Variants in REEP5 observed in about 807,000 individuals in gnomAD.
REEP5 encodes receptor accessory protein 5, also known as receptor expression-enhancing protein 5.
REEP5 carries 24 observed loss-of-function variants against 22.4 expected under a neutral mutation model. The observed-to-expected ratio is 1.07, with a 90% CI of 0.78 to 1.51. The LOEUF (loss-of-function observed/expected upper bound fraction) is 1.51, where lower values mean the gene tolerates loss of function less well. Among genes scored for constraint, REEP5 ranks in the 40% most tolerant of loss-of-function variants. REEP5 has a pLI of 0.00. For missense variants in REEP5, 252 were observed against 233.0 expected, an observed-to-expected ratio of 1.08 and a Z score of -0.53; for synonymous variants, 103 against 88.6, an observed-to-expected ratio of 1.16 and a Z score of -0.92.
intron 2 of REEP5, among the ~76,000 whole-genome samples, chr5:112,904,849 A>G (rs961101046): frequency 6.6e-6 from 1 of 152,178 alleles, no homozygotes; most frequent in Admixed American, 6.5e-5. Flanking sequence ...TTTTTAATTC[A>G]TATCTACAAT....
At chr5:112,892,625 A>G in intron 3 of REEP5, 2 of 1,614,158 alleles carry the variant, frequency 1.2e-6, no homozygotes, top group South Asian at 2.2e-5. Flanking sequence ...CCAAGAGGAA[A>G]ACACTGCAAC....
At chr5:112,896,731 G>C (rs1384729868) in intron 3 of REEP5, 1 of 151,748 alleles carries the variant, frequency 6.6e-6, no homozygotes, top group Non-Finnish European at 1.5e-5. Flanking sequence ...GTCAGGAGTT[G>C]AGACCAGCCT....
chr5:112,881,351 G>A (rs577579647), intron 4 of REEP5, among the ~76,000 whole-genome samples: 41 of 152,160 alleles, frequency 2.7e-4, no homozygotes, highest in African/African-American at 8.7e-4. Flanking sequence ...CCCATGGTCA[G>A]GCAACCTCAC....
chr5:112,902,812 T>C (rs986718409), intron 2 of REEP5, among the ~76,000 whole-genome samples: 4 of 152,176 alleles, frequency 2.6e-5, no homozygotes, highest in Admixed American at 6.5e-5. Context: ...AATATACCAC[T>C]AGTGACTGGG....
intron 2 of REEP5, among the ~76,000 whole-genome samples, chr5:112,920,160 A>C (rs558334803): frequency 1.8e-3 from 268 of 152,342 alleles, no homozygotes; most frequent in African/African-American, 6.2e-3. Context: ...ACACAGTAAC[A>C]ACTACTAGGT....
At chr5:112,922,031 C>T in intron 1 of REEP5, 42 bp downstream of exon 1, 1 of 1,562,028 alleles carries the variant, frequency 6.4e-7, no homozygotes, top group Non-Finnish European at 8.7e-7. Context: ...GCAGCGGCGG[C>T]TCCCGTGGCC....
At chr5:112,893,934 AC>A (rs1441984206) in intron 3 of REEP5, 3 of 151,464 alleles carry the variant, frequency 2.0e-5, no homozygotes, top group Non-Finnish European at 4.4e-5. Flanking sequence ...GAGGTTCAGA[AC>A]CTTGGTTTTT....
chr5:112,902,661 G>A, intron 2 of REEP5, 143 bp from the exon 3 acceptor site: 1 of 656,388 alleles, frequency 1.5e-6, no homozygotes, highest in Non-Finnish European at 2.4e-6. Flanking sequence ...CAAGAGTACA[G>A]CTTAAAGACT....
chr5:112,902,632 G>T, intron 2 of REEP5, 114 bp from the exon 3 acceptor site: 1 of 910,010 alleles, frequency 1.1e-6, no homozygotes. Context: ...GGCACATGTA[G>T]GCACTGTGTC....
chr5:112,921,538 G>A, intron 1 of REEP5: 1 of 511,374 alleles, frequency 2.0e-6, no homozygotes. Flanking sequence ...GACGGTCCCA[G>A]GCACCCGCTT....
At chr5:112,919,522 C>T (rs153559) in intron 2 of REEP5, among the ~76,000 whole-genome samples, 68,714 of 151,832 alleles carry the variant, frequency 0.45, 16,019 homozygotes, top group African/African-American at 0.51. Context: ...ACTGAGATTA[C>T]GACACTGCAC....
chr5:112,884,490 G>C (rs1768171008), intron 4 of REEP5, among the ~76,000 whole-genome samples: 1 of 150,762 alleles, frequency 6.6e-6, no homozygotes, highest in African/African-American at 2.5e-5. Flanking sequence ...TGATCCTCCT[G>C]CCTCAGCCTC....
chr5:112,892,282 G>C (rs1768492185), intron 3 of REEP5: 1 of 1,613,966 alleles, frequency 6.2e-7, no homozygotes, highest in Admixed American at 1.7e-5. Flanking sequence ...TACAACGTTT[G>C]GAATGGAGCA....
intron 4 of REEP5, among the ~76,000 whole-genome samples, chr5:112,885,951 C>T (rs1022852489): frequency 6.6e-6 from 1 of 152,162 alleles, no homozygotes; most frequent in Admixed American, 6.5e-5. Flanking sequence ...AGCCACTGCC[C>T]GAAGCCATCT....
chr5:112,908,103 T>C (rs999446234), intron 2 of REEP5, among the ~76,000 whole-genome samples: 5 of 143,694 alleles, frequency 3.5e-5, no homozygotes, highest in Admixed American at 3.4e-4. Context: ...TGTTTTTTGT[T>C]TTTTTTTTTT....
intron 2 of REEP5, among the ~76,000 whole-genome samples, chr5:112,908,543 T>G (rs75608165): frequency 6.6e-6 from 1 of 151,866 alleles, no homozygotes; most frequent in Non-Finnish European, 1.5e-5. Flanking sequence ...TTTTTTTTTT[T>G]AAGACAGAGT....
At chr5:112,920,923 G>A (rs879375762) in intron 2 of REEP5, among the ~76,000 whole-genome samples, 2 of 152,174 alleles carry the variant, frequency 1.3e-5, no homozygotes, top group Non-Finnish European at 2.9e-5. Flanking sequence ...GCCAAAGAGA[G>A]GGGACACTGG....
At chr5:112,913,589 T>C (rs1561659688) in intron 2 of REEP5, among the ~76,000 whole-genome samples, 1 of 138,024 alleles carries the variant, frequency 7.2e-6, no homozygotes, top group South Asian at 2.4e-4. Context: ...AGAATACCTA[T>C]AATGAAGTAT....
intron 4 of REEP5, among the ~76,000 whole-genome samples, chr5:112,881,169 GGGA>G (rs775416128): frequency 2.8e-4 from 41 of 147,992 alleles, no homozygotes; most frequent in Non-Finnish European, 5.3e-4. Flanking sequence ...ATCCTAAAGT[GGGA>G]GGAGGTTAAG....
Sources: gnomAD v4.1 joint callset for allele counts (sites outside exome capture counted in the v4.1 genomes callset) on GRCh38, gnomAD v4.1.1 for gene constraint, MANE v1.5 for transcripts, NCBI Gene and HGNC (gene_info 2026-07-23, HGNC 2026-07-21) for gene names.